Variants in CHCHD3 observed in about 807,000 individuals in gnomAD.
The protein encoded by CHCHD3 is coiled-coil-helix-coiled-coil-helix domain containing 3, also known as MICOS complex subunit MIC19.
A neutral mutation model predicts 38.2 loss-of-function variants in CHCHD3; 20 were observed. The observed-to-expected ratio is 0.52, with a 90% CI of 0.37 to 0.76. The LOEUF is 0.76. Among genes scored for constraint, CHCHD3 ranks in the 30% least tolerant of loss-of-function variants. The probability of loss-of-function intolerance (pLI) is 0.00; values close to 1 mark genes in which losing one functional copy is unlikely to be tolerated. For missense variants in CHCHD3, 245 were observed against 279.2 expected, an observed-to-expected ratio of 0.88 and a Z score of 0.87; for synonymous variants, 82 against 100.0, an observed-to-expected ratio of 0.82 and a Z score of 1.07.
chr7:132,901,795 G>C (rs1039199773), intron 4 of CHCHD3, among the ~76,000 whole-genome samples: 1 of 152,108 alleles, frequency 6.6e-6, no homozygotes, highest in Admixed American at 6.5e-5. Context: ...AGTTTCTTTT[G>C]CTGTGCAGAA....
At chr7:132,865,366 C>T (rs1285677287) in intron 5 of CHCHD3, among the ~76,000 whole-genome samples, 1 of 152,118 alleles carries the variant, frequency 6.6e-6, no homozygotes, top group African/African-American at 2.4e-5. Context: ...AACCTAAAAC[C>T]AGGAAGGAGA....
chr7:132,905,888 GA>G (rs1357123482), intron 4 of CHCHD3, among the ~76,000 whole-genome samples: 1 of 152,188 alleles, frequency 6.6e-6, no homozygotes, highest in Non-Finnish European at 1.5e-5. Context: ...ATAGCTGCAT[GA>G]AAATATATTC....
Position 133,034,902 on chromosome 7 carries a change from T to C in CHCHD3, c.170-10275A>G, listed in dbSNP as rs532273738. The C allele has an allele frequency of 6.7e-5, 108 of 1,609,444 alleles. No homozygotes were observed. The Admixed American group carries it at 6.9e-4, about 10-fold the overall frequency. ...TCGCTGGAACATTCCAGTGATGAGA[T>C]TGCAGCTCATGAAGGTCTGAGTGAG... On this transcript the variant is annotated intron_variant, in intron 2 of 7. Transcript: ENST00000262570.
chr7:132,813,412 G>T (rs1807123713), intron 6 of CHCHD3: 1 of 152,124 alleles, frequency 6.6e-6, no homozygotes, highest in Admixed American at 6.5e-5. Flanking sequence ...CAAAACGGGG[G>T]TCTACTTCTT....
At chr7:132,847,913 A>T (rs1808121600) in intron 5 of CHCHD3, among the ~76,000 whole-genome samples, 1 of 152,204 alleles carries the variant, frequency 6.6e-6, no homozygotes, top group African/African-American at 2.4e-5. Flanking sequence ...GGGCATGACT[A>T]TGTAACACAT....
At chr7:132,812,204 T>TC (rs57913612) in intron 6 of CHCHD3, among the ~76,000 whole-genome samples, 19,003 of 77,668 alleles carry the variant, frequency 0.24, 1,754 homozygotes, top group East Asian at 0.43. Context: ...TCTTTTCTTT[T>TC]TTTTTTTTTT....
chr7:132,825,274 T>C (rs1807480881), intron 6 of CHCHD3, among the ~76,000 whole-genome samples: 1 of 152,174 alleles, frequency 6.6e-6, no homozygotes, highest in Non-Finnish European at 1.5e-5. Flanking sequence ...TTGAGCTCAC[T>C]AGGGGAAGAA....
At chr7:132,910,249 G>C (rs1205810071) in intron 4 of CHCHD3, among the ~76,000 whole-genome samples, 1 of 152,092 alleles carries the variant, frequency 6.6e-6, no homozygotes, top group South Asian at 2.1e-4. Flanking sequence ...CCAAGGGCAG[G>C]GGGTATTTCT....
intron 3 of CHCHD3, among the ~76,000 whole-genome samples, chr7:132,988,186 A>T (rs1489605650): frequency 1.3e-5 from 2 of 152,036 alleles, no homozygotes; most frequent in East Asian, 3.9e-4. Context: ...GGTCATAAGA[A>T]ACTTACCCAT....
intron 5 of CHCHD3, among the ~76,000 whole-genome samples, chr7:132,866,673 TAG>T (rs1808633461): frequency 6.6e-6 from 1 of 152,172 alleles, no homozygotes; most frequent in Admixed American, 6.5e-5. Flanking sequence ...GAAAAAGAAT[TAG>T]AGTCACTCTT....
At chr7:132,907,940 C>G (rs1809837405) in intron 4 of CHCHD3, among the ~76,000 whole-genome samples, 1 of 151,920 alleles carries the variant, frequency 6.6e-6, no homozygotes, top group African/African-American at 2.4e-5. Flanking sequence ...AAACCACGGT[C>G]AAAAACCCAG....
intron 3 of CHCHD3, among the ~76,000 whole-genome samples, chr7:132,987,448 G>T (rs150958554): frequency 6.6e-6 from 1 of 152,364 alleles, no homozygotes; most frequent in Non-Finnish European, 1.5e-5. Context: ...AAAAAGGTGG[G>T]AGATGAAGGG....
At chr7:132,947,998 A>G (rs902318181) in intron 4 of CHCHD3, among the ~76,000 whole-genome samples, 47 of 152,220 alleles carry the variant, frequency 3.1e-4, no homozygotes, top group African/African-American at 8.7e-4. Context: ...CATTGGGGGG[A>G]AAAAGTCACA....
intron 3 of CHCHD3, among the ~76,000 whole-genome samples, chr7:133,014,132 T>G (rs1031308166): frequency 1.3e-5 from 2 of 152,128 alleles, no homozygotes; most frequent in Non-Finnish European, 2.9e-5. Flanking sequence ...TTACGGATTT[T>G]TATGAGATTT....
intron 4 of CHCHD3, among the ~76,000 whole-genome samples, chr7:132,899,623 G>A (rs1809614253): frequency 6.6e-6 from 1 of 152,188 alleles, no homozygotes; most frequent in Admixed American, 6.5e-5. Flanking sequence ...ATGCAGGCCA[G>A]GCAGAGTAAA....
intron 5 of CHCHD3, among the ~76,000 whole-genome samples, chr7:132,844,390 G>A (rs1039322923): frequency 6.6e-6 from 1 of 152,174 alleles, no homozygotes; most frequent in Non-Finnish European, 1.5e-5. Context: ...TTTTTTGTGT[G>A]TAACAACATA....
chr7:132,894,144 T>C (rs756899194), intron 4 of CHCHD3, among the ~76,000 whole-genome samples: 1 of 152,230 alleles, frequency 6.6e-6, no homozygotes, highest in Non-Finnish European at 1.5e-5. Flanking sequence ...ATAACTTTTA[T>C]GTATATCATA....
chr7:133,041,841 C>T (rs1329478208), intron 2 of CHCHD3, among the ~76,000 whole-genome samples: 1 of 152,206 alleles, frequency 6.6e-6, no homozygotes, highest in Admixed American at 6.5e-5. Context: ...TGCTGCTAAA[C>T]TCTGGGAATT....
intron 5 of CHCHD3, among the ~76,000 whole-genome samples, chr7:132,876,046 GAGCACTTTCTAACAGA>G (rs1808888906): frequency 6.6e-6 from 1 of 152,174 alleles, no homozygotes; most frequent in Admixed American, 6.5e-5. Context: ...TGGGATTGAA[GAGCACTTTCTAACAGA>G]AGCACTGCAA....
Sources: allele counts gnomAD v4.1 joint callset (sites outside exome capture counted in the v4.1 genomes callset), GRCh38; gene constraint gnomAD v4.1.1; transcripts MANE v1.5; gene names NCBI Gene and HGNC (gene_info 2026-07-23, HGNC 2026-07-21).